The following BICD2 variants were observed in gnomAD, a reference collection of about 807,000 sequenced individuals.
BICD2 encodes BICD cargo adaptor 2.
In BICD2, 25 loss-of-function variants were observed where a neutral mutation model predicts 72.9. That is an observed-to-expected ratio of 0.34 (90% CI 0.25 to 0.48). The LOEUF is 0.48. BICD2 is among the 20% of genes least tolerant of loss of function. The pLI is 0.99. For missense variants in BICD2, 894 were observed against 1,175.2 expected, an observed-to-expected ratio of 0.76 and a Z score of 3.50; for synonymous variants, 501 against 516.1, an observed-to-expected ratio of 0.97 and a Z score of 0.40.
chr9:92,743,952 G>GA (rs1564069413), intron 1 of BICD2, among the ~76,000 whole-genome samples: 1 of 152,208 alleles, frequency 6.6e-6, no homozygotes, highest in African/African-American at 2.4e-5. Context: ...ATACTGATCA[G>GA]AATGGCTAGT....
chr9:92,719,451 C>A lies in BICD2; in HGVS notation c.1194G>T (p.Arg398=). The A allele has an allele frequency of 6.2e-7, 1 of 1,614,130 alleles. No individual in the cohort carries two copies. The highest frequency in any genetic ancestry group is 1.1e-5 in the South Asian group (1 of 91,088). The part of the protein sequence containing the change: ...TRLTENLSAL[R]RLQASKERQT... The stretch of plus-strand genomic sequence containing the variant: ...GCCGCTCCTTGCTGGCCTGCAGGCG[C>A]CGCAGGGCACTCAGATTCTCTGTGA... The change falls in exon 5 of 7, where the codon CGG becomes CGT. Residue 398 remains arginine (R), a synonymous_variant. Coordinates refer to ENST00000356884, the MANE Select transcript of BICD2 (RefSeq NM_001003800.2).
intron 1 of BICD2, among the ~76,000 whole-genome samples, chr9:92,756,331 G>C (rs574256889): frequency 4.6e-4 from 70 of 151,486 alleles, no homozygotes; most frequent in Non-Finnish European, 8.4e-4. Context: ...GCACGATCTC[G>C]GCTCACTGCA....
intron 1 of BICD2, among the ~76,000 whole-genome samples, chr9:92,757,872 G>C (rs1854293185): frequency 6.6e-6 from 1 of 152,202 alleles, no homozygotes; most frequent in Non-Finnish European, 1.5e-5. Flanking sequence ...CTCCACCTTT[G>C]ATTATGTGGA....
chr9:92,725,940 C>T (rs1853559103), intron 2 of BICD2, among the ~76,000 whole-genome samples: 2 of 152,224 alleles, frequency 1.3e-5, no homozygotes, highest in South Asian at 4.1e-4. Context: ...GCCTCTGATT[C>T]CCCATCTGGG....
Position 92,722,740 on chromosome 9 carries a change from T to G in BICD2, c.522A>C (p.Glu174Asp). The G allele has an allele frequency of 6.2e-7, 1 of 1,614,204 alleles. No individual in the cohort carries two copies. The highest frequency in any genetic ancestry group is 8.5e-7 in the Non-Finnish European group (1 of 1,180,042). ...RDDIKEYKFR[E>D]ARLLQDYSEL... ...CCGAGTAGTCCTGCAGCAGACGAGC[T>G]TCCCGGAATTTGTACTCCTTGATGT... The change falls in exon 3 of 7, where the codon GAA becomes GAC. Residue 174 changes from glutamate (E) to aspartate (D), a missense_variant. Physicochemically the swap from Glu to Asp is conservative, Grantham distance 45. Around this residue, in one of 5 missense-constraint regions of BICD2, gnomAD observed 192 missense variants for 243.6 expected, o/e 0.79. Transcript: ENST00000356884.
chr9:92,719,326 T>C lies in BICD2; in HGVS notation c.1319A>G (p.His440Arg), dbSNP rs1368449611. ...NGPEILACKY[H>R]VAVAEAGELR... is the part of the protein sequence containing the mutation. ...CTCGCCAGCCTCAGCCACAGCCACA[T>C]GGTACTTGCAGGCCAAGATCTCAGG... is the stretch of plus-strand genomic sequence containing the variant. The change falls in exon 5 of 7, where the codon CAT becomes CGT. Residue 440 changes from histidine to arginine, a missense_variant. Coordinates refer to ENST00000356884, the MANE Select transcript of BICD2 (RefSeq NM_001003800.2). 4 of 1,614,030 alleles carry C rather than the reference T, an allele frequency of 2.5e-6. No individual in the cohort carries two copies. The highest frequency in any genetic ancestry group is 4.5e-5 in the East Asian group (2 of 44,892).
chr9:92,733,654 A>G (rs542992035), intron 1 of BICD2, among the ~76,000 whole-genome samples: 7 of 152,144 alleles, frequency 4.6e-5, no homozygotes, highest in African/African-American at 1.4e-4. Flanking sequence ...ACCTAAATAT[A>G]AGAACTAAAA....
intron 1 of BICD2, among the ~76,000 whole-genome samples, chr9:92,740,118 C>CAG (rs1481493877): frequency 4.6e-5 from 7 of 152,206 alleles, no homozygotes; most frequent in Admixed American, 3.3e-4. Context: ...GTCAACCACG[C>CAG]AGAGAGAGAG....
chr9:92,714,122 A>G lies in BICD2; in HGVS notation c.*1032T>C, dbSNP rs1263320462. On this transcript the variant is annotated 3_prime_UTR_variant, in exon 7 of 7. Coordinates refer to ENST00000356884, the MANE Select transcript of BICD2 (RefSeq NM_001003800.2). ...TTGCACTAAATAAAGAGACCTAAAC[A>G]TCTCCTACCTGTGAATCCTGACAAG... The G allele has an allele frequency of 2.0e-6, 2 of 985,474 alleles. No homozygotes were observed. Among genetic ancestry groups the G allele is most frequent in the African/African-American group, 3.5e-5 (2 of 57,224 alleles). 61.0% of individuals were successfully genotyped at this position (985,474 alleles called of 1,614,324 possible). A position where few individuals can be genotyped will look rare whatever the true frequency, so the allele number is the denominator to read the frequency against.
intron 1 of BICD2, among the ~76,000 whole-genome samples, chr9:92,755,841 C>A (rs148358431): frequency 8.6e-4 from 131 of 152,298 alleles, no homozygotes; most frequent in Non-Finnish European, 1.3e-4. Flanking sequence ...AAAGCAGCTG[C>A]GTCCTGGGCC....
intron 1 of BICD2, among the ~76,000 whole-genome samples, chr9:92,745,406 G>A (rs1301635716): frequency 1.3e-5 from 2 of 152,006 alleles, no homozygotes; most frequent in African/African-American, 4.8e-5. Context: ...GTGCGGTGAG[G>A]GGAGAAGGGG....
Position 92,718,847 on chromosome 9 carries a change from C to A in BICD2, c.1798G>T (p.Gly600Cys). 6.2e-7 allele frequency: 1 copy of A among 1,605,682 alleles called. No homozygotes were observed. The highest frequency in any genetic ancestry group is 1.1e-5 in the South Asian group (1 of 90,744). ...GAGGGGCTGCTGTCCCCCGTCCCACCATCTGCTCGGCCCGCCTCAGGAGCC... is the reference window on the plus strand; with the variant it reads ...GAGGGGCTGCTGTCCCCCGTCCCACAATCTGCTCGGCCCGCCTCAGGAGCC... ...LLAPEAGRAD[G>C]GTGDSSPSPG... Residue 600 changes from glycine (G) to cysteine (C), a missense_variant, in exon 5 of 7, where the codon GGT (glycine) becomes TGT (cysteine). Gly to Cys is a radical substitution (Grantham distance 159, BLOSUM62 -3). This residue lies in a region of BICD2 where 321 missense variants were observed against 443.9 expected (regional missense o/e 0.72). Coordinates refer to ENST00000356884, the MANE Select transcript of BICD2 (RefSeq NM_001003800.2).
At chr9:92,750,518 T>G (rs553251169) in intron 1 of BICD2, among the ~76,000 whole-genome samples, 1 of 151,874 alleles carries the variant, frequency 6.6e-6, no homozygotes, top group East Asian at 1.9e-4. Flanking sequence ...TATTGCTAAG[T>G]GAAAGAAGCC....
In BICD2 at chr9:92,728,603, C is replaced by T. The variant is rs1055845068; in HGVS notation, c.453+421G>A. Among the ~76,000 whole-genome samples, 6 of 152,216 alleles carry T rather than the reference C, an allele frequency of 3.9e-5. No homozygotes were observed. The East Asian group carries it at 1.2e-3, about 29-fold the overall frequency. Reference sequence around the variant, plus strand: ...CCATGGAATATTTGGGGTTTGTGTTCTTATTACAGCTGGGCACAGTGCAGG... The same window carrying T: ...CCATGGAATATTTGGGGTTTGTGTTTTTATTACAGCTGGGCACAGTGCAGG... On this transcript the variant is annotated intron_variant, in intron 2 of 6. Coordinates refer to ENST00000356884, the MANE Select transcript of BICD2 (RefSeq NM_001003800.2).
chr9:92,727,952 C>T (rs1183009893), intron 2 of BICD2, among the ~76,000 whole-genome samples: 1 of 152,236 alleles, frequency 6.6e-6, no homozygotes, highest in Non-Finnish European at 1.5e-5. Context: ...TTTGCTCACA[C>T]TGTTTCCTCA....
chr9:92,739,072 C>T (rs1853846327), intron 1 of BICD2, among the ~76,000 whole-genome samples: 1 of 152,166 alleles, frequency 6.6e-6, no homozygotes, highest in African/African-American at 2.4e-5. Flanking sequence ...GTTGGGCCCT[C>T]CCACCACCTG....
intron 5 of BICD2, 39 bp from the exon 6 acceptor site, chr9:92,717,987 T>C: frequency 6.2e-7 from 1 of 1,601,186 alleles, no homozygotes; most frequent in Non-Finnish European, 8.5e-7. Flanking sequence ...GTGAAAGGCG[T>C]GAAGTCAGCC....
chr9:92,717,998 T>C, intron 5 of BICD2, 50 bp from the exon 6 acceptor site: 4 of 1,577,720 alleles, frequency 2.5e-6, no homozygotes, highest in Non-Finnish European at 3.4e-6. Flanking sequence ...GAAGTCAGCC[T>C]AGAGGTGCTC....
chr9:92,749,464 G>GTC (rs1854101528), intron 1 of BICD2, among the ~76,000 whole-genome samples: 1 of 152,216 alleles, frequency 6.6e-6, no homozygotes, highest in African/African-American at 2.4e-5. Flanking sequence ...CTGTAGGGCT[G>GTC]TGGTGCTTGT....
Sources: allele counts gnomAD v4.1 joint callset (sites outside exome capture counted in the v4.1 genomes callset), GRCh38; gene constraint gnomAD v4.1.1; regional missense constraint gnomAD v4.1.1; transcripts MANE v1.5; gene names NCBI Gene and HGNC (gene_info 2026-07-23, HGNC 2026-07-21).